ASIC2: variants seen among roughly 807,000 people sequenced by gnomAD.
The protein encoded by ASIC2 is acid-sensing ion channel 2.
In ASIC2, 25 loss-of-function variants were observed where a neutral mutation model predicts 57.3. The ratio of observed to expected loss-of-function variants is 0.44; its 90% CI spans 0.32 to 0.61. The LOEUF is 0.61. Ranked by LOEUF, ASIC2 falls within the 20% of genes least tolerant of loss-of-function variation. The pLI is 0.06. For synonymous variants in ASIC2, 319 were observed against 307.5 expected, an observed-to-expected ratio of 1.04 and a Z score of -0.39; for missense variants, 641 against 738.1, an observed-to-expected ratio of 0.87 and a Z score of 1.52.
chr17:33,051,318 C>T (rs1044631769), intron 3 of ASIC2, among the ~76,000 whole-genome samples: 1 of 152,090 alleles, frequency 6.6e-6, no homozygotes, highest in Non-Finnish European at 1.5e-5. Context: ...AATCCTGGTC[C>T]TACCGCACAC....
At chr17:33,287,218 G>A (rs912314644) in intron 1 of ASIC2, among the ~76,000 whole-genome samples, 4 of 152,180 alleles carry the variant, frequency 2.6e-5, no homozygotes, top group African/African-American at 9.7e-5. Context: ...ATTACCAGAG[G>A]CTCATGGAGC....
chr17:33,875,790 G>A (rs1273616865), intron 1 of ASIC2, among the ~76,000 whole-genome samples: 5 of 151,734 alleles, frequency 3.3e-5, no homozygotes, highest in Non-Finnish European at 5.9e-5. Flanking sequence ...TTAACTGGAT[G>A]GATTTTTTTT....
At chr17:33,430,349 G>T (rs534324231) in intron 1 of ASIC2, among the ~76,000 whole-genome samples, 3 of 152,272 alleles carry the variant, frequency 2.0e-5, no homozygotes, top group African/African-American at 7.2e-5. Context: ...CTCCTGGGGG[G>T]AAAATCTAGA....
chr17:33,605,013 T>TTCTC (rs5820054), intron 1 of ASIC2, among the ~76,000 whole-genome samples: 15,609 of 148,056 alleles, frequency 0.11, 920 homozygotes, highest in Non-Finnish European at 0.14. Context: ...TATTACTTCA[T>TTCTC]TCTCTCTCTC....
chr17:33,159,010 C>T lies in ASIC2; in HGVS notation c.709-46943G>A, dbSNP rs796093782. Among the ~76,000 whole-genome samples the T allele has an allele frequency of 1.2e-4, 19 of 152,308 alleles. 1 individual carries two copies. The highest frequency in any genetic ancestry group is 4.3e-4 in the African/African-American group (18 of 41,576). On this transcript the variant is annotated intron_variant, in intron 1 of 9. Coordinates refer to ENST00000225823, the MANE Select transcript of ASIC2 (RefSeq NM_183377.2). ...CTGCCACACCCCCACCACACCTGAG[C>T]CCAGCTGAGAGTTTGAGTTAGTGAC...
chr17:33,597,529 T>G (rs1479654385), intron 1 of ASIC2, among the ~76,000 whole-genome samples: 1 of 152,214 alleles, frequency 6.6e-6, no homozygotes, highest in Non-Finnish European at 1.5e-5. Flanking sequence ...TAGCTTTTTT[T>G]TTCAAGAATC....
At chr17:33,135,014 ACT>A (rs2092362292) in intron 1 of ASIC2, among the ~76,000 whole-genome samples, 1 of 151,988 alleles carries the variant, frequency 6.6e-6, no homozygotes, top group African/African-American at 2.4e-5. Context: ...GTGAGTTCAA[ACT>A]CTTCACATTA....
chr17:33,566,416 G>A (rs1597787553), intron 1 of ASIC2, among the ~76,000 whole-genome samples: 1 of 152,258 alleles, frequency 6.6e-6, no homozygotes, highest in South Asian at 2.1e-4. Context: ...CCCAGCTCCA[G>A]AGAGAATCAT....
intron 1 of ASIC2, among the ~76,000 whole-genome samples, chr17:33,196,854 T>G (rs1160710104): frequency 2.0e-5 from 3 of 152,218 alleles, no homozygotes; most frequent in Non-Finnish European, 4.4e-5. Context: ...CCTGGCAGCA[T>G]GACACACAGA....
At chr17:33,419,839 T>C (rs994493365) in intron 1 of ASIC2, among the ~76,000 whole-genome samples, 2 of 152,208 alleles carry the variant, frequency 1.3e-5, no homozygotes, top group African/African-American at 4.8e-5. Context: ...TCTAGTCGTG[T>C]TGATGAAACT....
At position 33,292,288 on chromosome 17, in the gene ASIC2, G is replaced by A; in HGVS notation, c.-173C>T. The A allele has an allele frequency of 3.4e-5, 34 of 988,372 alleles. No individual in the cohort carries two copies. The highest frequency in any genetic ancestry group is 4.1e-5 in the Non-Finnish European group (34 of 833,008). The allele number at this position is 988,372 out of a possible 1,614,324, so 61.2% of individuals were successfully genotyped here. ...CGCGGCATGCCCGCCCGGCGCCGCC[G>A]CTGCCGCCTCCGCGGGCGCCCGCCC... On this transcript the variant is annotated 5_prime_UTR_variant, in exon 1 of 10. Coordinates refer to ENST00000225823, the MANE Select transcript of ASIC2 (RefSeq NM_183377.2).
intron 1 of ASIC2, among the ~76,000 whole-genome samples, chr17:33,347,114 A>G (rs1250084738): frequency 6.6e-6 from 1 of 152,196 alleles, no homozygotes; most frequent in Non-Finnish European, 1.5e-5. Context: ...AGGTGGAATT[A>G]TAGAAGCAAG....
intron 1 of ASIC2, among the ~76,000 whole-genome samples, chr17:33,491,654 C>T (rs1913763167): frequency 6.6e-6 from 1 of 152,156 alleles, no homozygotes; most frequent in African/African-American, 2.4e-5. Flanking sequence ...TCTGGGAGGC[C>T]AGGCCCCTGT....
chr17:33,860,953 C>A (rs1914086155), intron 1 of ASIC2, among the ~76,000 whole-genome samples: 1 of 152,218 alleles, frequency 6.6e-6, no homozygotes, highest in African/African-American at 2.4e-5. Context: ...GAGGATCTAG[C>A]ACCCACACTG....
chr17:33,824,382 A>ATATG (rs1912843015), intron 1 of ASIC2, among the ~76,000 whole-genome samples: 1 of 152,046 alleles, frequency 6.6e-6, no homozygotes, highest in Non-Finnish European at 1.5e-5. Flanking sequence ...GTCTGTGTAT[A>ATATG]TATGTATGTA....
rs148447253 is a variant in ASIC2, at chr17:34,077,351, C to T, written c.555+78627G>A. ...TCGAGCCCCGGGAGGCAGCTGCGCT[C>T]ATGGTCCTTGTGATCACAGTTCCTG... On this transcript the variant is annotated intron_variant, in intron 1 of 9. Transcript: ENST00000359872. Among the ~76,000 whole-genome samples, 140 of 152,342 alleles carry T rather than the reference C, an allele frequency of 9.2e-4. 1 individual carries two copies. The highest frequency in any genetic ancestry group is 3.3e-3 in the African/African-American group (136 of 41,580).
chr17:33,381,857 A>T (rs1909500705), intron 1 of ASIC2, among the ~76,000 whole-genome samples: 1 of 152,228 alleles, frequency 6.6e-6, no homozygotes, highest in Non-Finnish European at 1.5e-5. Context: ...ATTCCTTTGC[A>T]GAAATATAAA....
At chr17:33,620,663 T>A (rs1905763543) in intron 1 of ASIC2, among the ~76,000 whole-genome samples, 1 of 152,210 alleles carries the variant, frequency 6.6e-6, no homozygotes, top group Admixed American at 6.5e-5. Flanking sequence ...GAAAACATTT[T>A]TAAAACTATC....
At chr17:34,008,465 A>G (rs1320017705) in intron 1 of ASIC2, among the ~76,000 whole-genome samples, 1 of 152,150 alleles carries the variant, frequency 6.6e-6, no homozygotes, top group East Asian at 1.9e-4. Flanking sequence ...GGGCAAGAAA[A>G]TCATCTCTTC....
Sources: gnomAD v4.1 joint callset for allele counts (sites outside exome capture counted in the v4.1 genomes callset) on GRCh38, gnomAD v4.1.1 for gene constraint, MANE v1.5 for transcripts, NCBI Gene and HGNC (gene_info 2026-07-23, HGNC 2026-07-21) for gene names.